The following PRSS12 variants were observed in gnomAD, a reference collection of about 807,000 sequenced individuals.
The protein encoded by PRSS12 is neurotrypsin.
A neutral mutation model predicts 104.4 loss-of-function variants in PRSS12; 85 were observed. That is an observed-to-expected ratio of 0.81 (90% confidence interval 0.68 to 0.98). PRSS12 has a LOEUF of 0.98. Among genes scored for constraint, PRSS12 ranks in the 50% least tolerant of loss-of-function variants. PRSS12 has a pLI of 0.00. For missense variants in PRSS12, 1,141 were observed against 1,139.2 expected (o/e 1.00, Z -0.02); for synonymous variants, 454 against 425.2 (o/e 1.07, Z -0.83).
chr4:118,295,973 A>G, intron 9 of PRSS12, 117 bp from the exon 10 acceptor site: 1 of 913,970 alleles, frequency 1.1e-6, no homozygotes, highest in South Asian at 1.4e-5. Context: ...TTTCTCTGCA[A>G]ATTAAAATTT....
chr4:118,318,448 T>C lies in PRSS12; in HGVS notation c.1080A>G (p.Pro360=), dbSNP rs111948073. 2.5e-6 allele frequency: 4 copies of C among 1,614,164 alleles called. No homozygotes were observed. Among genetic ancestry groups the C allele is most frequent in the Admixed American group, 3.3e-5 (2 of 60,018 alleles). ...TGNELSIEQC[P]KSSWGEHNCG... ...AGTTATGCTCTCCCCAGGAGCTCTT[T>C]GGACACTGCTCAATTGAAAGCTCAT... is the stretch of plus-strand genomic sequence containing the variant. Residue 360 remains proline (P), a synonymous_variant, in exon 5 of 13, where the codon CCA becomes CCG. Transcript: ENST00000296498.
chr4:118,341,271 T>C (rs1026932496), intron 1 of PRSS12, among the ~76,000 whole-genome samples: 1 of 152,230 alleles, frequency 6.6e-6, no homozygotes, highest in Non-Finnish European at 1.5e-5. Flanking sequence ...TATCATTTTC[T>C]GAGACCCAAC....
At chr4:118,307,578 T>G (rs1353571632) in intron 8 of PRSS12, among the ~76,000 whole-genome samples, 3 of 152,196 alleles carry the variant, frequency 2.0e-5, no homozygotes, top group African/African-American at 7.2e-5. Flanking sequence ...AAATCATTAC[T>G]TAGGGTGCTT....
At chr4:118,295,134 A>C (rs1743225287) in intron 10 of PRSS12, 73 bp from the exon 11 acceptor site, 2 of 1,535,158 alleles carry the variant, frequency 1.3e-6, no homozygotes, top group Admixed American at 1.8e-5. Flanking sequence ...GGTTAAAGCA[A>C]TGGCTTTAAT....
At chr4:118,283,945 T>A (rs1382997720) in intron 11 of PRSS12, among the ~76,000 whole-genome samples, 1 of 147,096 alleles carries the variant, frequency 6.8e-6, no homozygotes, top group African/African-American at 2.7e-5. Flanking sequence ...ATGCAAAAAA[T>A]TGATTAAGTT....
rs534515881 is a variant in PRSS12 at position 118,280,243 on chromosome 4, T to G, written c.*1693A>C. 1 of 152,352 alleles carries G rather than the reference T, an allele frequency of 6.6e-6. No individual in the cohort carries two copies. The highest frequency in any genetic ancestry group is 2.4e-5 in the African/African-American group (1 of 41,588). 9.4% of individuals were successfully genotyped at this position (152,352 alleles called of 1,614,324 possible). ...AGATGTTGCTTGCCCCAACACTAGT[T>G]TAATTATAAGGGCAGCCTGTGAGAA... is the stretch of plus-strand genomic sequence containing the variant. On this transcript the variant is annotated 3_prime_UTR_variant, in exon 13 of 13. Coordinates refer to ENST00000296498, the MANE Select transcript of PRSS12 (RefSeq NM_003619.4).
chr4:118,306,793 C>G (rs1743565586), intron 8 of PRSS12, among the ~76,000 whole-genome samples: 1 of 151,930 alleles, frequency 6.6e-6, no homozygotes, highest in Admixed American at 6.6e-5. Context: ...CAAGTAATAA[C>G]ACACGACTAC....
chr4:118,282,689 TTACA>T (rs1742913421), intron 12 of PRSS12, 138 bp downstream of exon 12: 1 of 1,106,654 alleles, frequency 9.0e-7, no homozygotes, highest in Non-Finnish European at 1.4e-6. Context: ...TAAGTCTCAA[TTACA>T]TGCATGCATT....
intron 4 of PRSS12, among the ~76,000 whole-genome samples, chr4:118,330,243 G>A (rs533113891): frequency 5.0e-4 from 76 of 152,222 alleles, no homozygotes; most frequent in African/African-American, 1.8e-3. Context: ...TTCATTTGTG[G>A]GGAAAACTAG....
At chr4:118,313,019 T>C (rs1486736247) in intron 7 of PRSS12, 182 bp downstream of exon 7, 3 of 677,180 alleles carry the variant, frequency 4.4e-6, no homozygotes, top group Non-Finnish European at 7.3e-6. Context: ...AATTTCATAA[T>C]GTTGGCGCAC....
intron 3 of PRSS12, 124 bp from the exon 4 acceptor site, chr4:118,331,990 G>T: frequency 1.6e-6 from 2 of 1,217,716 alleles, no homozygotes; most frequent in Non-Finnish European, 2.3e-6. Flanking sequence ...CCACACCAGT[G>T]ATATGGACAT....
At chr4:118,346,394 AATGT>A (rs1724355053) in intron 1 of PRSS12, among the ~76,000 whole-genome samples, 1 of 151,674 alleles carries the variant, frequency 6.6e-6, no homozygotes. Flanking sequence ...TCACAGTCAT[AATGT>A]ATTATATATA....
intron 12 of PRSS12, 146 bp downstream of exon 12, chr4:118,282,685 T>G: frequency 9.3e-7 from 1 of 1,080,186 alleles, no homozygotes; most frequent in South Asian, 1.3e-5. Flanking sequence ...AATATAAGTC[T>G]CAATTACATG....
At position 118,281,583 on chromosome 4, in the gene PRSS12, G is replaced by C; in HGVS notation, c.*353C>G. On this transcript the variant is annotated 3_prime_UTR_variant, in exon 13 of 13. Coordinates refer to ENST00000296498, the MANE Select transcript of PRSS12 (RefSeq NM_003619.4). ...AATGTGGGTATTTAATATGATTTCA[G>C]ACACCACTGATTCAATTAAAAGGGG... is the stretch of plus-strand genomic sequence containing the variant. The C allele has an allele frequency of 3.1e-6, 1 of 322,728 alleles. No homozygotes were observed. Among genetic ancestry groups the C allele is most frequent in the South Asian group, 3.0e-5 (1 of 32,900 alleles). The allele number at this position is 322,728 out of a possible 1,614,324, so 20.0% of individuals were successfully genotyped here.
chr4:118,334,760 A>G (rs895636309), intron 3 of PRSS12, among the ~76,000 whole-genome samples: 1 of 152,168 alleles, frequency 6.6e-6, no homozygotes, highest in African/African-American at 2.4e-5. Flanking sequence ...GTCCTGGGAT[A>G]TCTGGTCATG....
intron 8 of PRSS12, among the ~76,000 whole-genome samples, chr4:118,307,837 G>C (rs775291898): frequency 1.5e-4 from 23 of 151,914 alleles, no homozygotes; most frequent in Non-Finnish European, 2.8e-4. Context: ...ACAGCACTTC[G>C]GTACTATAAA....
At chr4:118,326,171 G>C (rs772545462) in intron 4 of PRSS12, among the ~76,000 whole-genome samples, 16 of 152,126 alleles carry the variant, frequency 1.1e-4, no homozygotes, top group Non-Finnish European at 1.8e-4. Flanking sequence ...GGTTATAAAA[G>C]ATTGGCTCTT....
intron 11 of PRSS12, among the ~76,000 whole-genome samples, chr4:118,291,073 T>A (rs997612558): frequency 4.6e-5 from 7 of 151,522 alleles, no homozygotes; most frequent in African/African-American, 1.7e-4. Flanking sequence ...TTAATAACTT[T>A]GCCTTACCCC....
chr4:118,311,203 T>G (rs1278031769), intron 7 of PRSS12, among the ~76,000 whole-genome samples: 1 of 152,136 alleles, frequency 6.6e-6, no homozygotes, highest in Non-Finnish European at 1.5e-5. Flanking sequence ...AAATCCATAT[T>G]TTTACCATCC....
Sources: allele counts gnomAD v4.1 joint callset (sites outside exome capture counted in the v4.1 genomes callset), GRCh38; gene constraint gnomAD v4.1.1; transcripts MANE v1.5; gene names NCBI Gene and HGNC (gene_info 2026-07-23, HGNC 2026-07-21).